Variants in EVPLL observed in about 807,000 individuals in gnomAD.
The protein encoded by EVPLL is envoplakin like.
In EVPLL, 39 loss-of-function variants were observed where a neutral mutation model predicts 46.2. The ratio of observed to expected loss-of-function variants is 0.84; its 90% CI spans 0.65 to 1.10. EVPLL has a LOEUF of 1.10. Ranked by LOEUF, EVPLL falls within the 50% of genes least tolerant of loss-of-function variation. The pLI, the probability that EVPLL is intolerant of heterozygous loss-of-function variation, is 0.00. For synonymous variants in EVPLL, 156 were observed against 165.8 expected (o/e 0.94, Z 0.46); for missense variants, 385 against 412.6 (o/e 0.93, Z 0.58).
At chr17:18,385,062 G>T (rs1484551316) in intron 9 of EVPLL, among the ~76,000 whole-genome samples, 1 of 151,832 alleles carries the variant, frequency 6.6e-6, no homozygotes, top group Non-Finnish European at 1.5e-5. Context: ...GAGAAAGGGA[G>T]AGAGGGAGAG....
chr17:18,383,573 G>C lies in EVPLL; in HGVS notation c.862G>C (p.Glu288Gln). ...ICQETQLQHVEDYSRILCPSS... is the reference protein window; with the variant it reads ...ICQETQLQHVQDYSRILCPSS... The stretch of plus-strand genomic sequence containing the variant: ...CCAGGAGACCCAGCTCCAGCACGTG[G>C]AGGACTACAGCCGGGTGAGCCCTCG... The change falls in exon 9 of 11, where the codon GAG (glutamate) becomes CAG (glutamine). Residue 288 changes from glutamate (E) to glutamine (Q), a missense_variant. Glu to Gln is a conservative substitution (Grantham distance 29, BLOSUM62 2). Transcript: ENST00000399134. 1 of 1,525,836 alleles carries C rather than the reference G, an allele frequency of 6.6e-7. No individual in the cohort carries two copies. 94.5% of individuals were successfully genotyped at this position (1,525,836 alleles called of 1,614,324 possible).
At chr17:18,383,646 A>G (rs1219937037) in intron 9 of EVPLL, 59 bp downstream of exon 9, 13 of 1,378,054 alleles carry the variant, frequency 9.4e-6, no homozygotes, top group Non-Finnish European at 1.3e-5. Context: ...CCCACAGCAC[A>G]CCGGCCCACA....
chr17:18,385,287 C>G (rs1318173447), intron 9 of EVPLL, among the ~76,000 whole-genome samples: 1 of 92,176 alleles, frequency 1.1e-5, no homozygotes, highest in Non-Finnish European at 2.4e-5. Flanking sequence ...CTATCACCTT[C>G]CTGGGCTCAT....
At chr17:18,379,012 C>T (rs924257598) in intron 1 of EVPLL, among the ~76,000 whole-genome samples, 3 of 151,986 alleles carry the variant, frequency 2.0e-5, no homozygotes, top group Non-Finnish European at 4.4e-5. Context: ...CCCGGGAAGT[C>T]GAGGCTGCAG....
Position 18,381,834 on chromosome 17 carries a change from T to A in EVPLL, c.346+104T>A. ...CTTGAACAGTCAGTGTATAGTGGTG[T>A]CTCAGGGGTCTGGGCAGGGAGACAG... On this transcript the variant is annotated intron_variant, in intron 4 of 10. Coordinates refer to ENST00000399134, the MANE Select transcript of EVPLL (RefSeq NM_001145127.2). The surrounding 1 kb of genome is among the most constrained non-coding windows in gnomAD (Gnocchi z 4.2). 6.4e-7 allele frequency: 1 copy of A among 1,556,272 alleles called. No individual in the cohort carries two copies.
intron 4 of EVPLL, 112 bp from the exon 5 acceptor site, chr17:18,382,401 C>G: frequency 6.9e-7 from 1 of 1,445,210 alleles, no homozygotes; most frequent in Non-Finnish European, 9.3e-7. Context: ...CTCTCAGGCT[C>G]GTCCACGCTC....
chr17:18,378,529 T>C (rs1008041596), intron 1 of EVPLL, among the ~76,000 whole-genome samples: 9 of 152,272 alleles, frequency 5.9e-5, no homozygotes, highest in Middle Eastern at 3.4e-3. Flanking sequence ...TAGGGGTTCA[T>C]GGCTGGGCGC....
Position 18,383,257 on chromosome 17 carries a change from C to T in EVPLL, c.673-14C>T, listed in dbSNP as rs751568578. 6.4e-7 allele frequency: 1 copy of T among 1,568,812 alleles called. No individual in the cohort carries two copies. Among genetic ancestry groups the T allele is most frequent in the South Asian group, 1.2e-5 (1 of 85,714 alleles). On this transcript the variant is annotated splice_polypyrimidine_tract_variant and intron_variant, in intron 7 of 10. Transcript: ENST00000399134. ...CTGGTCCTCACCGCCGCTCCCCACC[C>T]GACTCGCCCCCAGCACTTCAAGCAG...
intron 1 of EVPLL, among the ~76,000 whole-genome samples, chr17:18,378,457 C>T (rs1199270737): frequency 6.6e-6 from 1 of 152,110 alleles, no homozygotes; most frequent in East Asian, 1.9e-4. Flanking sequence ...GCTGTGCTGC[C>T]TCCTGCCTAA....
intron 1 of EVPLL, chr17:18,380,095 C>G (rs564221574): frequency 2.0e-5 from 3 of 152,540 alleles, no homozygotes; most frequent in African/African-American, 7.2e-5. Context: ...TAATGATCCC[C>G]CATAAGGCAC....
chr17:18,381,555 G>A lies in EVPLL; in HGVS notation c.218+34G>A. ...GGCTGCGGCAGGGCTGGGGGTCCCT[G>A]GGGAAGACCCAGGCCCAGCCCTGAC... On this transcript the variant is annotated intron_variant, in intron 3 of 10. Coordinates refer to ENST00000399134, the MANE Select transcript of EVPLL (RefSeq NM_001145127.2). This position sits in a 1 kb window ranked among gnomAD's most constrained non-coding sequence, Gnocchi z 4.2. The A allele has an allele frequency of 1.2e-6, 2 of 1,613,478 alleles. No homozygotes were observed. The highest frequency in any genetic ancestry group is 8.5e-7 in the Non-Finnish European group (1 of 1,179,684).
rs1264595065 is a variant in EVPLL, at chr17:18,382,507, C to T, written c.347-6C>T. ...TGTGGTGACTGAGCCGCCGGCTCTC[C>T]TGCAGAAGCTGGTCTGCGCAGGCCA... On this transcript the variant is annotated splice_polypyrimidine_tract_variant and splice_region_variant and intron_variant, in intron 4 of 10. Transcript: ENST00000399134. The T allele has an allele frequency of 1.3e-6, 2 of 1,551,464 alleles. No homozygotes were observed.
At chr17:18,386,811 G>A (rs1008646298) in intron 9 of EVPLL, among the ~76,000 whole-genome samples, 9 of 152,134 alleles carry the variant, frequency 5.9e-5, no homozygotes, top group Admixed American at 1.3e-4. Context: ...GGGGTGTTAG[G>A]GGTGCTGAAA....
chr17:18,389,189 G>C lies in EVPLL; in HGVS notation c.*373G>C, dbSNP rs1428807607. 6.7e-6 allele frequency: 1 copy of C among 148,362 alleles called. No homozygotes were observed. The highest frequency in any genetic ancestry group is 1.9e-4 in the East Asian group (1 of 5,142). 9.2% of individuals were successfully genotyped at this position (148,362 alleles called of 1,614,324 possible). On this transcript the variant is annotated 3_prime_UTR_variant, in exon 11 of 11. Transcript: ENST00000399134. ...AGCGAGCCTTGGTGTCAGAGACCAGGGTGTGCAGTCTGAGCTCCTCTACCT... is the reference window on the plus strand; with the variant it reads ...AGCGAGCCTTGGTGTCAGAGACCAGCGTGTGCAGTCTGAGCTCCTCTACCT...
At position 18,389,242 on chromosome 17, in the gene EVPLL, C is replaced by T. The variant is rs1987871273; in HGVS notation, c.*426C>T. ...CTAAAGAGAGGCCTCTTTTATTTAC[C>T]AGAGCCACAGCCCTGCTGCCTCAGG... On this transcript the variant is annotated 3_prime_UTR_variant, in exon 11 of 11. Transcript: ENST00000399134. 3 of 148,322 alleles carry T rather than the reference C, an allele frequency of 2.0e-5. No homozygotes were observed. Among genetic ancestry groups the T allele is most frequent in the Non-Finnish European group, 3.0e-5 (2 of 67,234 alleles). The allele number at this position is 148,322 out of a possible 1,614,324, so 9.2% of individuals were successfully genotyped here.
At chr17:18,384,718 C>G (rs1327279003) in intron 9 of EVPLL, among the ~76,000 whole-genome samples, 1 of 152,156 alleles carries the variant, frequency 6.6e-6, no homozygotes, top group East Asian at 1.9e-4. Flanking sequence ...GGTGACAGAG[C>G]AAGACCCTGT....
At chr17:18,378,580 G>A (rs1232746424) in intron 1 of EVPLL, among the ~76,000 whole-genome samples, 1 of 152,164 alleles carries the variant, frequency 6.6e-6, no homozygotes, top group African/African-American at 2.4e-5. Context: ...GGAGGCCAAT[G>A]CGGGAGGATT....
rs1224771304 is a variant in EVPLL, at chr17:18,382,600, A to C, written c.434A>C (p.Gln145Pro). 2 of 1,551,920 alleles carry C rather than the reference A, an allele frequency of 1.3e-6. No homozygotes were observed. The highest frequency in any genetic ancestry group is 1.7e-6 in the Non-Finnish European group (2 of 1,147,044). The change falls in exon 5 of 11, where the codon CAA becomes CCA. Residue 145 changes from glutamine to proline, a missense_variant. Transcript: ENST00000399134. The part of the protein sequence containing the change: ...RGAQHRAEGD[Q>P]RPRRAAAEPG... ...GCTCAACATCGTGCAGAAGGAGATC[A>C]ACGACCAAGGAGAGCAGCTGCGGAG...
chr17:18,387,085 G>C (rs1050366932), intron 9 of EVPLL, among the ~76,000 whole-genome samples: 26 of 149,786 alleles, frequency 1.7e-4, no homozygotes, highest in Non-Finnish European at 3.6e-4. Flanking sequence ...ATTTTTAGTA[G>C]AGACGGGCTT....
Sources: allele counts gnomAD v4.1 joint callset (sites outside exome capture counted in the v4.1 genomes callset), GRCh38; gene constraint gnomAD v4.1.1; non-coding constraint Gnocchi (gnomAD v3.1); transcripts MANE v1.5; gene names NCBI Gene and HGNC (gene_info 2026-07-23, HGNC 2026-07-21).